The following NREP variants were observed in gnomAD, a reference collection of about 807,000 sequenced individuals.
The protein encoded by NREP is neuronal regeneration related protein, also known as neuronal regeneration-related protein.
NREP carries 5 observed loss-of-function variants against 8.6 expected under a neutral mutation model. The ratio of observed to expected loss-of-function variants is 0.58; its 90% CI spans 0.30 to 1.22. NREP has a LOEUF of 1.22. Ranked by LOEUF, NREP falls within the 50% of genes most tolerant of loss-of-function variation. NREP has a pLI of 0.07. For synonymous variants in NREP, 27 were observed against 28.0 expected, an observed-to-expected ratio of 0.96 and a Z score of 0.11; for missense variants, 86 against 82.5, an observed-to-expected ratio of 1.04 and a Z score of -0.17.
chr5:111,775,228 C>A (rs1751328477), intron 2 of NREP, among the ~76,000 whole-genome samples: 1 of 152,110 alleles, frequency 6.6e-6, no homozygotes, highest in South Asian at 2.1e-4. Flanking sequence ...GAGATATTAC[C>A]ATTTAGAACA....
In NREP at chr5:111,730,719, T is replaced by C; in HGVS notation, c.*202A>G. 1.7e-6 allele frequency: 1 copy of C among 578,136 alleles called. No homozygotes were observed. Among genetic ancestry groups the C allele is most frequent in the Non-Finnish European group, 2.9e-6 (1 of 339,830 alleles). The allele number at this position is 578,136 out of a possible 1,614,324, so 35.8% of individuals were successfully genotyped here. A position where few individuals can be genotyped will look rare whatever the true frequency, so the allele number is the denominator to read the frequency against. ...AACGTGGATTCACAGTGTGAAATTC[T>C]GAGCGTTTTCACTTGAGTCAGAATG... is the stretch of plus-strand genomic sequence containing the variant. On this transcript the variant is annotated 3_prime_UTR_variant, in exon 4 of 4. Transcript: ENST00000257435.
At position 111,860,287 on chromosome 5, in the gene NREP, T is replaced by C. The variant is rs148117343; in HGVS notation, c.135+114987A>G. On this transcript the variant is annotated intron_variant, in intron 2 of 3. Coordinates refer to the NREP transcript ENST00000395634. ...CTGAAGACCTTAGTGCCCCCTTTGA[T>C]TGCCTCTTCCCGTTTACCTAGAGCC... 5.9e-5 allele frequency among the ~76,000 whole-genome samples: 9 copies of C among 152,278 alleles called. No homozygotes were observed. The East Asian group carries it at 1.7e-3, about 29-fold the overall frequency.
At chr5:111,808,761 T>C (rs1336364784) in intron 2 of NREP, among the ~76,000 whole-genome samples, 1 of 152,170 alleles carries the variant, frequency 6.6e-6, no homozygotes, top group Non-Finnish European at 1.5e-5. Context: ...CTCTACACTT[T>C]TCCTATGATA....
At chr5:111,906,540 G>T (rs1481763644) in intron 2 of NREP, among the ~76,000 whole-genome samples, 1 of 152,010 alleles carries the variant, frequency 6.6e-6, no homozygotes, top group Admixed American at 6.6e-5. Context: ...AACATTGCTT[G>T]AAAATAAACT....
At chr5:111,757,630 G>A (rs1215146913), upstream of NREP, 6 of 982,898 alleles carry the variant, frequency 6.1e-6, no homozygotes, top group Middle Eastern at 5.2e-4. Flanking sequence ...CCGACACCCC[G>A]CACCCGCGCC....
chr5:111,952,880 T>C lies in NREP; in HGVS notation c.135+22394A>G, dbSNP rs557527243. On this transcript the variant is annotated intron_variant, in intron 2 of 3. Coordinates refer to the NREP transcript ENST00000395634. Reference sequence around the variant, plus strand: ...AACAGATATATAAAAAATTAGAGAGTAGGAATGGGAATGTGAAAGGGAGGA... The same window carrying C: ...AACAGATATATAAAAAATTAGAGAGCAGGAATGGGAATGTGAAAGGGAGGA... Among the ~76,000 whole-genome samples the C allele has an allele frequency of 5.3e-5, 8 of 151,930 alleles. No individual in the cohort carries two copies. In the East Asian group the frequency reaches 1.6e-3, roughly 29 times the overall value.
intron 2 of NREP, among the ~76,000 whole-genome samples, chr5:111,853,808 G>T (rs1468284127): frequency 1.3e-5 from 2 of 152,002 alleles, no homozygotes; most frequent in East Asian, 3.9e-4. Flanking sequence ...TATTTTTAAG[G>T]TTAATATAAG....
chr5:111,751,659 A>G (rs1750369324), intron 2 of NREP, among the ~76,000 whole-genome samples: 1 of 152,188 alleles, frequency 6.6e-6, no homozygotes, highest in Non-Finnish European at 1.5e-5. Context: ...GTATATTCAA[A>G]TTGGATTTGC....
intron 2 of NREP, among the ~76,000 whole-genome samples, chr5:111,853,103 A>C (rs942585262): frequency 6.6e-6 from 1 of 152,156 alleles, no homozygotes; most frequent in Admixed American, 6.6e-5. Flanking sequence ...AGAACTGTAT[A>C]CTTAAAAAGA....
chr5:111,857,745 G>A, intron 2 of NREP, among the ~76,000 whole-genome samples: 1 of 152,128 alleles, frequency 6.6e-6, no homozygotes, highest in East Asian at 1.9e-4. Flanking sequence ...TTCTAGAAAA[G>A]TGATTACAAC....
At chr5:111,891,124 A>G (rs1015562616) in intron 2 of NREP, among the ~76,000 whole-genome samples, 1 of 152,230 alleles carries the variant, frequency 6.6e-6, no homozygotes, top group Non-Finnish European at 1.5e-5. Context: ...ACAGGCTATT[A>G]GATGCAGTCG....
chr5:111,856,062 T>C (rs1051650439), intron 2 of NREP, among the ~76,000 whole-genome samples: 1 of 152,110 alleles, frequency 6.6e-6, no homozygotes, highest in African/African-American at 2.4e-5. Context: ...TGTTCCTCCC[T>C]CTTTTGCTAG....
At chr5:111,912,499 T>G (rs754359682) in intron 2 of NREP, 8 of 152,116 alleles carry the variant, frequency 5.3e-5, no homozygotes, top group Non-Finnish European at 1.0e-4. Flanking sequence ...AAAATGATCT[T>G]TACTTCAACT....
At chr5:111,951,322 T>G (rs1174359432) in intron 2 of NREP, among the ~76,000 whole-genome samples, 4 of 152,124 alleles carry the variant, frequency 2.6e-5, no homozygotes, top group African/African-American at 7.2e-5. Context: ...AATGTTGTTA[T>G]GAACATTCTT....
intron 2 of NREP, among the ~76,000 whole-genome samples, chr5:111,859,988 G>T (rs1486428732): frequency 6.6e-6 from 1 of 152,138 alleles, no homozygotes; most frequent in East Asian, 1.9e-4. Context: ...TTCAGGGCAG[G>T]CAAGTACTCT....
At chr5:111,732,878 T>C (rs940017300) in intron 3 of NREP, 2 of 152,194 alleles carry the variant, frequency 1.3e-5, no homozygotes, top group Non-Finnish European at 2.9e-5. Context: ...TCAACAATTA[T>C]AGTCTTTACA....
At chr5:111,861,248 G>A (rs565353491) in intron 2 of NREP, among the ~76,000 whole-genome samples, 6 of 152,240 alleles carry the variant, frequency 3.9e-5, no homozygotes, top group East Asian at 3.9e-4. Context: ...GGTATGCAGC[G>A]TCCCCTCCCT....
chr5:111,825,339 T>C (rs1752597969), intron 2 of NREP, among the ~76,000 whole-genome samples: 1 of 152,194 alleles, frequency 6.6e-6, no homozygotes, highest in Non-Finnish European at 1.5e-5. Flanking sequence ...ATACTAAGTA[T>C]TGGGGTGGGA....
At chr5:111,757,823 A>G (rs1254319620), upstream of NREP, 70 of 963,528 alleles carry the variant, frequency 7.3e-5, no homozygotes, top group Non-Finnish European at 8.1e-5. Context: ...TCAGACAAAT[A>G]AGGAGGTGGA....
Sources: gnomAD v4.1 joint callset for allele counts (sites outside exome capture counted in the v4.1 genomes callset) on GRCh38, gnomAD v4.1.1 for gene constraint, MANE v1.5 for transcripts, NCBI Gene and HGNC (gene_info 2026-07-23, HGNC 2026-07-21) for gene names.